The following SGCZ variants were observed in gnomAD, a reference collection of about 807,000 sequenced individuals.
SGCZ encodes the protein zeta-sarcoglycan.
In SGCZ, 40 loss-of-function variants were observed where a neutral mutation model predicts 41.3. The ratio of observed to expected loss-of-function variants is 0.97; its 90% CI spans 0.75 to 1.26. SGCZ has a LOEUF of 1.26. Ranked by LOEUF, SGCZ falls within the 50% of genes most tolerant of loss-of-function variation. SGCZ has a pLI of 0.00. For missense variants in SGCZ, 552 were observed against 369.8 expected, an observed-to-expected ratio of 1.49 and a Z score of -4.04; for synonymous variants, 206 against 137.5, an observed-to-expected ratio of 1.50 and a Z score of -3.49.
intron 1 of SGCZ, among the ~76,000 whole-genome samples, chr8:14,599,433 C>T (rs1292747579): frequency 1.3e-5 from 2 of 152,222 alleles, no homozygotes; most frequent in Non-Finnish European, 2.9e-5. Context: ...GAAAGTCACA[C>T]AGCCACTCTG....
intron 1 of SGCZ, among the ~76,000 whole-genome samples, chr8:15,207,772 C>CT (rs1386162633): frequency 6.6e-6 from 1 of 152,078 alleles, no homozygotes; most frequent in Non-Finnish European, 1.5e-5. Context: ...GAAACCAGAG[C>CT]TTTTTTATAT....
intron 1 of SGCZ, among the ~76,000 whole-genome samples, chr8:14,639,176 T>A (rs188506822): frequency 1.3e-5 from 2 of 151,186 alleles, no homozygotes; most frequent in East Asian, 4.0e-4. Flanking sequence ...AAAAGTGGAA[T>A]CAACTTTAAT....
At chr8:14,724,753 T>G (rs1165203639) in intron 1 of SGCZ, among the ~76,000 whole-genome samples, 2 of 152,036 alleles carry the variant, frequency 1.3e-5, no homozygotes, top group African/African-American at 2.4e-5. Flanking sequence ...TGGGATACAT[T>G]TGCATTTTAA....
At chr8:15,008,541 A>AAGGAAGGAAGGAAGGG (rs1156576852) in intron 1 of SGCZ, among the ~76,000 whole-genome samples, 1 of 59,778 alleles carries the variant, frequency 1.7e-5, no homozygotes, top group Non-Finnish European at 2.9e-5. Context: ...GGAAGGAAGG[A>AAGGAAGGAAGGAAGGG]AGGGAGGGAG....
At chr8:15,179,120 T>C (rs372077340) in intron 1 of SGCZ, among the ~76,000 whole-genome samples, 5 of 152,116 alleles carry the variant, frequency 3.3e-5, no homozygotes, top group East Asian at 3.9e-4. Context: ...GAAATAAGAC[T>C]AAAATAGTAA....
chr8:14,745,640 C>A (rs974074040), intron 1 of SGCZ, among the ~76,000 whole-genome samples: 7 of 152,014 alleles, frequency 4.6e-5, no homozygotes, highest in Non-Finnish European at 8.8e-5. Flanking sequence ...CATATATACA[C>A]ACACACATAT....
intron 2 of SGCZ, among the ~76,000 whole-genome samples, chr8:14,408,877 A>G (rs1195148577): frequency 6.6e-6 from 1 of 151,986 alleles, no homozygotes; most frequent in African/African-American, 2.4e-5. Context: ...ATTTTACTTC[A>G]AATTCTTTTT....
intron 1 of SGCZ, among the ~76,000 whole-genome samples, chr8:14,591,857 C>G (rs189861303): frequency 5.3e-5 from 8 of 152,208 alleles, no homozygotes; most frequent in Admixed American, 1.3e-4. Flanking sequence ...TCTATATTGT[C>G]GATTATAATT....
chr8:14,200,123 C>T (rs1332021569), intron 4 of SGCZ, among the ~76,000 whole-genome samples: 1 of 152,126 alleles, frequency 6.6e-6, no homozygotes, highest in Non-Finnish European at 1.5e-5. Flanking sequence ...ATAATGGGCA[C>T]TACCATAATT....
intron 1 of SGCZ, among the ~76,000 whole-genome samples, chr8:14,753,323 A>C (rs1172380304): frequency 3.9e-5 from 6 of 152,318 alleles, no homozygotes; most frequent in Non-Finnish European, 5.9e-5. Context: ...GTTCAAACTT[A>C]TATGTTAAAT....
At chr8:14,280,594 T>C (rs1800390075) in intron 3 of SGCZ, among the ~76,000 whole-genome samples, 1 of 151,978 alleles carries the variant, frequency 6.6e-6, no homozygotes, top group African/African-American at 2.4e-5. Context: ...TCTCTGAGGA[T>C]GTGTTAATGG....
intron 1 of SGCZ, among the ~76,000 whole-genome samples, chr8:15,096,633 T>C (rs1443895879): frequency 6.6e-6 from 1 of 152,180 alleles, no homozygotes; most frequent in African/African-American, 2.4e-5. Flanking sequence ...GAATGAAATA[T>C]TTTACAAATT....
chr8:14,300,594 G>C (rs994070996), intron 3 of SGCZ, among the ~76,000 whole-genome samples: 1 of 151,888 alleles, frequency 6.6e-6, no homozygotes, highest in Non-Finnish European at 1.5e-5. Flanking sequence ...GCATGACATA[G>C]GTATGGAAAG....
At chr8:15,049,440 T>C (rs1804434868) in intron 1 of SGCZ, among the ~76,000 whole-genome samples, 1 of 152,016 alleles carries the variant, frequency 6.6e-6, no homozygotes, top group Non-Finnish European at 1.5e-5. Context: ...TGGAAAGGGA[T>C]TTTGAATTCA....
In SGCZ at chr8:15,186,032, G is replaced by A. The variant is rs1419545939; in HGVS notation, c.39+51553C>T. ...GAGGTCAGGAGATGAGACCATCCTG[G>A]CTAACACGGTGAAACCCCGTCTTTA... On this transcript the variant is annotated intron_variant, in intron 1 of 7. Transcript: ENST00000382080. Among the ~76,000 whole-genome samples the A allele has an allele frequency of 3.3e-5, 5 of 150,036 alleles. No homozygotes were observed. The East Asian group carries it at 9.9e-4, about 30-fold the overall frequency.
intron 2 of SGCZ, among the ~76,000 whole-genome samples, chr8:14,378,489 G>C (rs1804226230): frequency 6.6e-6 from 1 of 152,080 alleles, no homozygotes; most frequent in African/African-American, 2.4e-5. Context: ...AGAGTAAACA[G>C]GCAACCTACA....
chr8:14,791,657 G>C (rs146661196), intron 1 of SGCZ, among the ~76,000 whole-genome samples: 1 of 152,216 alleles, frequency 6.6e-6, no homozygotes, highest in African/African-American at 2.4e-5. Context: ...TTTAAATAAA[G>C]CTACACACAA....
At chr8:14,625,711 A>G (rs1806432807) in intron 1 of SGCZ, among the ~76,000 whole-genome samples, 1 of 152,124 alleles carries the variant, frequency 6.6e-6, no homozygotes, top group Admixed American at 6.6e-5. Flanking sequence ...GATTAAAGGC[A>G]TGAGCCAGCA....
rs1280119632 is a variant in SGCZ, at chr8:14,254,091, C to G, written c.337-16412G>C. On this transcript the variant is annotated intron_variant, in intron 3 of 7. Coordinates refer to ENST00000382080, the MANE Select transcript of SGCZ (RefSeq NM_139167.4). ...ACAGTCTTAAATTGGGCACTAAAAT[C>G]CATTAACAGAACTGAAGACTTTTTA... Among the ~76,000 whole-genome samples, 4 of 151,924 alleles carry G rather than the reference C, an allele frequency of 2.6e-5. No homozygotes were observed. In the East Asian group the frequency reaches 7.7e-4, roughly 29 times the overall value.
Sources: allele counts gnomAD v4.1 joint callset (sites outside exome capture counted in the v4.1 genomes callset), GRCh38; gene constraint gnomAD v4.1.1; transcripts MANE v1.5; gene names NCBI Gene and HGNC (gene_info 2026-07-23, HGNC 2026-07-21).